Variants in NLRC3 observed in about 807,000 individuals in gnomAD.
NLRC3 encodes NLR family CARD domain-containing protein 3.
In NLRC3, 87 loss-of-function variants were observed where a neutral mutation model predicts 91.6. That is an observed-to-expected ratio of 0.95 (90% CI 0.80 to 1.14). The LOEUF is 1.14. Ranked by LOEUF, NLRC3 falls within the 50% of genes most tolerant of loss-of-function variation. The probability of loss-of-function intolerance (pLI) is 0.00; values close to 1 mark genes in which losing one functional copy is unlikely to be tolerated. For missense variants in NLRC3, 1,577 were observed against 1,418.6 expected (o/e 1.11, Z -1.79); for synonymous variants, 694 against 625.3 (o/e 1.11, Z -1.64).
At chr16:3,574,459 A>AGT (rs534775969) in intron 1 of NLRC3, among the ~76,000 whole-genome samples, 296 of 152,216 alleles carry the variant, frequency 1.9e-3, no homozygotes, top group African/African-American at 6.8e-3. Context: ...AGGGAGGGAC[A>AGT]GTGCTGGCAG....
At chr16:3,572,085 T>C (rs78073400) in intron 1 of NLRC3, among the ~76,000 whole-genome samples, 5,255 of 151,960 alleles carry the variant, frequency 0.035, 125 homozygotes, top group Admixed American at 0.05. Context: ...TATAAATCAA[T>C]AATAAGTAAC....
intron 1 of NLRC3, among the ~76,000 whole-genome samples, chr16:3,574,703 G>A (rs2040221506): frequency 6.6e-6 from 1 of 152,188 alleles, no homozygotes; most frequent in Admixed American, 6.5e-5. Context: ...GCTCATGCCT[G>A]TAATCCTAGC....
intron 1 of NLRC3, among the ~76,000 whole-genome samples, chr16:3,575,601 TTGTC>T (rs1158037783): frequency 3.3e-5 from 5 of 152,162 alleles, no homozygotes; most frequent in East Asian, 1.9e-4. Flanking sequence ...CCCTAGAGCT[TTGTC>T]TGTGAGCGAA....
chr16:3,541,974 G>A, intron 19 of NLRC3, 59 bp from the exon 20 acceptor site: 10 of 1,030,334 alleles, frequency 9.7e-6, no homozygotes, highest in South Asian at 5.4e-5. Flanking sequence ...AGTAGAGCAG[G>A]CCATACAATA....
chr16:3,577,044 A>G (rs1472756659), intron 1 of NLRC3, 105 bp downstream of exon 1: 1 of 698,210 alleles, frequency 1.4e-6, no homozygotes, highest in Non-Finnish European at 2.6e-6. Context: ...GAGTCTCCCC[A>G]GTCCCCCTCC....
chr16:3,566,918 T>G (rs2039906501), intron 2 of NLRC3, among the ~76,000 whole-genome samples: 1 of 152,048 alleles, frequency 6.6e-6, no homozygotes, highest in Non-Finnish European at 1.5e-5. Context: ...AGGAAAAGCT[T>G]ATTAATTAAA....
chr16:3,542,473 A>G (rs960759300), intron 18 of NLRC3, among the ~76,000 whole-genome samples, 199 bp from the exon 19 acceptor site: 9 of 152,204 alleles, frequency 5.9e-5, no homozygotes, highest in Non-Finnish European at 1.0e-4. Context: ...GCGCTGGAGG[A>G]TGTAAGGCCA....
At chr16:3,555,229 CAAAAAA>C (rs149218240) in intron 8 of NLRC3, among the ~76,000 whole-genome samples, 1,109 of 82,444 alleles carry the variant, frequency 0.013, 16 homozygotes, top group African/African-American at 0.043. Flanking sequence ...GACTCCGTCT[CAAAAAA>C]AAAAAAAAAA....
chr16:3,557,897 G>A (rs1019126358), intron 6 of NLRC3, among the ~76,000 whole-genome samples: 9 of 152,202 alleles, frequency 5.9e-5, no homozygotes, highest in African/African-American at 2.2e-4. Flanking sequence ...CCTCATCATG[G>A]CAAAGGGTCT....
At chr16:3,549,272 G>T in intron 12 of NLRC3, 47 bp from the exon 13 acceptor site, 1 of 1,392,070 alleles carries the variant, frequency 7.2e-7, no homozygotes, top group South Asian at 1.2e-5. Flanking sequence ...CAGATGAGGT[G>T]TCTGGCAAAG....
chr16:3,568,917 AT>A (rs1226526162), intron 1 of NLRC3, among the ~76,000 whole-genome samples: 7 of 152,232 alleles, frequency 4.6e-5, no homozygotes, highest in Non-Finnish European at 8.8e-5. Context: ...TATTGTTGGT[AT>A]AAAAGATGAT....
At chr16:3,543,045 A>T (rs1376415492) in intron 17 of NLRC3, 2 of 518,400 alleles carry the variant, frequency 3.9e-6, no homozygotes, top group Admixed American at 6.7e-5. Context: ...CTGAGACAGG[A>T]GAGGCAGCCC....
chr16:3,562,298 G>T (rs1355720984), intron 5 of NLRC3, among the ~76,000 whole-genome samples: 1 of 152,190 alleles, frequency 6.6e-6, no homozygotes, highest in Non-Finnish European at 1.5e-5. Flanking sequence ...GTGGGGCCAT[G>T]CTGAAGTGGG....
intron 1 of NLRC3, among the ~76,000 whole-genome samples, chr16:3,574,514 G>A (rs1269699267): frequency 6.6e-6 from 1 of 152,198 alleles, no homozygotes; most frequent in African/African-American, 2.4e-5. Context: ...CGCCTGGGAA[G>A]GCGGGGACGG....
chr16:3,566,474 C>T (rs1482227255), intron 2 of NLRC3, among the ~76,000 whole-genome samples: 1 of 152,098 alleles, frequency 6.6e-6, no homozygotes, highest in East Asian at 1.9e-4. Context: ...GCCTGTAATC[C>T]CAGCACTTTG....
chr16:3,566,379 T>TC (rs1328539559), intron 2 of NLRC3, among the ~76,000 whole-genome samples: 1 of 151,874 alleles, frequency 6.6e-6, no homozygotes, highest in African/African-American at 2.4e-5. Flanking sequence ...TCACTTGAGG[T>TC]CAGGAATTTG....
At chr16:3,553,908 ATT>A (rs761837100) in intron 9 of NLRC3, among the ~76,000 whole-genome samples, 13 of 130,322 alleles carry the variant, frequency 1.0e-4, no homozygotes, top group East Asian at 2.2e-4. Context: ...TGCCTGGTTA[ATT>A]TTTTTTTTTT....
At chr16:3,561,835 C>T (rs750916477) in intron 5 of NLRC3, 47 bp from the exon 6 acceptor site, 52 of 1,431,942 alleles carry the variant, frequency 3.6e-5, no homozygotes, top group Non-Finnish European at 4.9e-5. Context: ...CGCCCACGGG[C>T]AGGGTGGGGG....
intron 10 of NLRC3, among the ~76,000 whole-genome samples, chr16:3,551,839 C>T (rs1363136806): frequency 3.3e-5 from 5 of 151,190 alleles, no homozygotes. Flanking sequence ...ATCCATCCAC[C>T]TGCCTACCCA....
Sources: allele counts gnomAD v4.1 joint callset (sites outside exome capture counted in the v4.1 genomes callset), GRCh38; gene constraint gnomAD v4.1.1; transcripts MANE v1.5; gene names NCBI Gene and HGNC (gene_info 2026-07-23, HGNC 2026-07-21).